Variants in JAKMIP1 observed in about 807,000 individuals in gnomAD.
The protein encoded by JAKMIP1 is janus kinase and microtubule-interacting protein 1.
A neutral mutation model predicts 113.0 loss-of-function variants in JAKMIP1; 33 were observed. That is an observed-to-expected ratio of 0.29 (90% CI 0.22 to 0.39). JAKMIP1 has a LOEUF of 0.39. Ranked by LOEUF, JAKMIP1 falls within the 10% of genes least tolerant of loss-of-function variation. The probability of loss-of-function intolerance (pLI) is 1.00; values close to 1 mark genes in which losing one functional copy is unlikely to be tolerated. For synonymous variants in JAKMIP1, 480 were observed against 459.9 expected, an observed-to-expected ratio of 1.04 and a Z score of -0.56; for missense variants, 813 against 1,080.5, an observed-to-expected ratio of 0.75 and a Z score of 3.47.
Position 6,108,449 on chromosome 4 carries a change from G to A in JAKMIP1, c.130-2482C>T, listed in dbSNP as rs1382340295. On this transcript the variant is annotated intron_variant, in intron 2 of 20. Transcript: ENST00000409021. This position sits in a 1 kb window ranked among gnomAD's most constrained non-coding sequence, Gnocchi z 5.6. Reference sequence around the variant, plus strand: ...AGGCCAAGAGAGGGAGCATGCCCTGGGGGTGTGGGGGCTGGCGTGGAGAAA... The same window carrying A: ...AGGCCAAGAGAGGGAGCATGCCCTGAGGGTGTGGGGGCTGGCGTGGAGAAA... Among the ~76,000 whole-genome samples, 2 of 152,150 alleles carry A rather than the reference G, an allele frequency of 1.3e-5. No individual in the cohort carries two copies. Among genetic ancestry groups the A allele is most frequent in the African/African-American group, 4.8e-5 (2 of 41,422 alleles).
chr4:6,027,534 G>A (rs1712021591), intron 20 of JAKMIP1, among the ~76,000 whole-genome samples: 1 of 152,172 alleles, frequency 6.6e-6, no homozygotes, highest in South Asian at 2.1e-4. Flanking sequence ...TATTTCCACG[G>A]TCACAGGCCC....
chr4:6,030,424 C>T (rs1033921446), intron 19 of JAKMIP1, among the ~76,000 whole-genome samples: 22 of 152,184 alleles, frequency 1.4e-4, no homozygotes, highest in Non-Finnish European at 3.1e-4. Context: ...CAAACCCAGA[C>T]TCTTAGTTAC....
In JAKMIP1 at chr4:6,039,419, G is replaced by A. The variant is rs527541155; in HGVS notation, c.2175+1220C>T. Among the ~76,000 whole-genome samples, 12 of 152,218 alleles carry A rather than the reference G, an allele frequency of 7.9e-5. No individual in the cohort carries two copies. In the East Asian group the frequency reaches 2.1e-3, roughly 27 times the overall value. On this transcript the variant is annotated intron_variant, in intron 18 of 20. Coordinates refer to ENST00000409021, the MANE Select transcript of JAKMIP1 (RefSeq NM_001099433.2). Reference sequence around the variant, plus strand: ...CTTCAGAGTTTTCCAACTTTATTGCGCTACGCTTTGCGGGACCCTAAGTTC... The same window carrying A: ...CTTCAGAGTTTTCCAACTTTATTGCACTACGCTTTGCGGGACCCTAAGTTC...
rs1726474051 is a variant in JAKMIP1 at position 6,184,920 on chromosome 4, G to A, written c.-148+15333C>T. Among the ~76,000 whole-genome samples, 1 of 152,186 alleles carries A rather than the reference G, an allele frequency of 6.6e-6. No individual in the cohort carries two copies. Among genetic ancestry groups the A allele is most frequent in the South Asian group, 2.1e-4 (1 of 4,834 alleles). On this transcript the variant is annotated intron_variant, in intron 1 of 20. Coordinates refer to ENST00000409021, the MANE Select transcript of JAKMIP1 (RefSeq NM_001099433.2). This position sits in a 1 kb window ranked among gnomAD's most constrained non-coding sequence, Gnocchi z 4.5. ...CTGCCAGCACAGCTAGAATAAAGAA[G>A]GCAGAATTTGGAAAGAGCAGACTTG... is the stretch of plus-strand genomic sequence containing the variant.
Position 6,143,091 on chromosome 4 carries a change from G to A in JAKMIP1, c.-147-30094C>T, listed in dbSNP as rs1200122450. ...TGCCTCACTGTGTGACTTTGAGCAA[G>A]TTTCTCAGCCTCTCTGAGCCTCTGC... is the stretch of plus-strand genomic sequence containing the variant. On this transcript the variant is annotated intron_variant, in intron 1 of 20. Transcript: ENST00000409021. The surrounding 1 kb of genome is among the most constrained non-coding windows in gnomAD (Gnocchi z 4.9). Among the ~76,000 whole-genome samples the A allele has an allele frequency of 6.6e-6, 1 of 152,134 alleles. No homozygotes were observed. Among genetic ancestry groups the A allele is most frequent in the Admixed American group, 6.5e-5 (1 of 15,274 alleles).
chr4:6,053,355 G>C (rs1715921584), intron 13 of JAKMIP1, among the ~76,000 whole-genome samples: 1 of 152,230 alleles, frequency 6.6e-6, no homozygotes, highest in African/African-American at 2.4e-5. Context: ...CAGTAGTTTT[G>C]AGGTGCAGTT....
intron 1 of JAKMIP1, among the ~76,000 whole-genome samples, chr4:6,117,312 G>T (rs1310783372): frequency 6.6e-6 from 1 of 152,146 alleles, no homozygotes; most frequent in Non-Finnish European, 1.5e-5. Flanking sequence ...AAATTTTAAA[G>T]CTGGGCGTCC....
At chr4:6,131,839 A>C (rs1435739862) in intron 1 of JAKMIP1, among the ~76,000 whole-genome samples, 1 of 152,252 alleles carries the variant, frequency 6.6e-6, no homozygotes, top group Non-Finnish European at 1.5e-5. Flanking sequence ...ACCAGTGTAG[A>C]ATTCTGTAGC....
At chr4:6,101,159 A>G (rs1393812333) in intron 3 of JAKMIP1, among the ~76,000 whole-genome samples, 1 of 152,168 alleles carries the variant, frequency 6.6e-6, no homozygotes, top group Non-Finnish European at 1.5e-5. Context: ...GTTTTCTACT[A>G]GTAGCTATAT....
chr4:6,115,484 T>C (rs972915463), intron 1 of JAKMIP1, among the ~76,000 whole-genome samples: 4 of 152,248 alleles, frequency 2.6e-5, no homozygotes, highest in Non-Finnish European at 5.9e-5. Flanking sequence ...TTGCTCATTA[T>C]TTTCACTCAG....
Position 6,158,235 on chromosome 4 carries a change from G to A in JAKMIP1, c.-148+42018C>T, listed in dbSNP as rs996270453. ...TCCATACATCCCAACTTTGCCCTGCGGATACTACATGCTTCTCACCAGGGG... is the reference window on the plus strand; with the variant it reads ...TCCATACATCCCAACTTTGCCCTGCAGATACTACATGCTTCTCACCAGGGG... On this transcript the variant is annotated intron_variant, in intron 1 of 20. Transcript: ENST00000409021. The surrounding 1 kb of genome is among the most constrained non-coding windows in gnomAD (Gnocchi z 5.3). Among the ~76,000 whole-genome samples, 2 of 152,140 alleles carry A rather than the reference G, an allele frequency of 1.3e-5. No homozygotes were observed. The highest frequency in any genetic ancestry group is 6.5e-5 in the Admixed American group (1 of 15,288).
intron 1 of JAKMIP1, among the ~76,000 whole-genome samples, chr4:6,117,608 C>T (rs900300400): frequency 8.5e-5 from 13 of 152,082 alleles, no homozygotes; most frequent in African/African-American, 3.1e-4. Context: ...TGAGATCAAC[C>T]GGTCTGACCA....
At chr4:6,095,093 A>G in intron 3 of JAKMIP1, among the ~76,000 whole-genome samples, 3 of 132,096 alleles carry the variant, frequency 2.3e-5, no homozygotes, top group African/African-American at 5.7e-5. Context: ...TGGGGGAGGG[A>G]GGAAGGGGAG....
intron 2 of JAKMIP1, among the ~76,000 whole-genome samples, chr4:6,111,150 G>T (rs575279649): frequency 6.6e-6 from 1 of 152,156 alleles, no homozygotes; most frequent in East Asian, 1.9e-4. Context: ...CCCCAGCCCC[G>T]TCCCCACCTG....
At position 6,186,765 on chromosome 4, in the gene JAKMIP1, T is replaced by C. The variant is rs189585596; in HGVS notation, c.-148+13488A>G. ...GAGTTGTTCTATCTGTTATTGAAAG[T>C]GGGTGTTGACATATTCAACTATTGT... On this transcript the variant is annotated intron_variant, in intron 1 of 20. Transcript: ENST00000409021. This position sits in a 1 kb window ranked among gnomAD's most constrained non-coding sequence, Gnocchi z 5.5. Among the ~76,000 whole-genome samples, 31 of 152,298 alleles carry C rather than the reference T, an allele frequency of 2.0e-4. No homozygotes were observed. The highest frequency in any genetic ancestry group is 7.0e-4 in the African/African-American group (29 of 41,568).
In JAKMIP1 at chr4:6,059,042, GATT is replaced by G. The variant is rs1716880172; in HGVS notation, c.1644+1379_1644+1381del. On this transcript the variant is annotated intron_variant, in intron 11 of 20. Coordinates refer to ENST00000409021, the MANE Select transcript of JAKMIP1 (RefSeq NM_001099433.2). This position sits in a 1 kb window ranked among gnomAD's most constrained non-coding sequence, Gnocchi z 4.8. ...AGATGAGGAAACGGAGGCACAAAGA[GATT>G]ATGTTACTTGCCCAAGGTTATGCAA... Among the ~76,000 whole-genome samples, 1 of 152,246 alleles carries G rather than the reference GATT, an allele frequency of 6.6e-6. No homozygotes were observed. The highest frequency in any genetic ancestry group is 2.4e-5 in the African/African-American group (1 of 41,470).
chr4:6,101,732 C>CA (rs56084278), intron 3 of JAKMIP1, among the ~76,000 whole-genome samples: 35 of 96,572 alleles, frequency 3.6e-4, no homozygotes, highest in Middle Eastern at 5.0e-3. Context: ...ACTAAAAATA[C>CA]AAAAAAAAAA....
intron 1 of JAKMIP1, among the ~76,000 whole-genome samples, chr4:6,146,538 C>T (rs1195801212): frequency 6.6e-6 from 1 of 152,220 alleles, no homozygotes; most frequent in East Asian, 1.9e-4. Context: ...AAGCGATCCT[C>T]CCGCCTCAGC....
chr4:6,157,583 A>G lies in JAKMIP1; in HGVS notation c.-148+42670T>C, dbSNP rs567247521. Among the ~76,000 whole-genome samples the G allele has an allele frequency of 6.6e-6, 1 of 152,300 alleles. No individual in the cohort carries two copies. Among genetic ancestry groups the G allele is most frequent in the East Asian group, 1.9e-4 (1 of 5,174 alleles). On this transcript the variant is annotated intron_variant, in intron 1 of 20. Transcript: ENST00000409021. The surrounding 1 kb of genome is among the most constrained non-coding windows in gnomAD (Gnocchi z 4.7). ...TCATAAGCCACTGGCACAGACCATC[A>G]CAACTCAGAACCGGGATCTCCGAGC...
Sources: gnomAD v4.1 joint callset for allele counts (sites outside exome capture counted in the v4.1 genomes callset) on GRCh38, gnomAD v4.1.1 for gene constraint, Gnocchi (gnomAD v3.1) non-coding constraint, MANE v1.5 for transcripts, NCBI Gene and HGNC (gene_info 2026-07-23, HGNC 2026-07-21) for gene names.